DCN: variants seen among roughly 807,000 people sequenced by gnomAD.
The protein encoded by DCN is bone proteoglycan II.
DCN carries 17 observed loss-of-function variants against 36.5 expected under a neutral mutation model. The ratio of observed to expected loss-of-function variants is 0.47; its 90% CI spans 0.32 to 0.70. The LOEUF (loss-of-function observed/expected upper bound fraction) is 0.70, where lower values mean the gene tolerates loss of function less well. Ranked by LOEUF, DCN falls within the 30% of genes least tolerant of loss-of-function variation. The pLI, the probability that DCN is intolerant of heterozygous loss-of-function variation, is 0.04. For synonymous variants in DCN, 163 were observed against 161.4 expected (o/e 1.01, Z -0.07); for missense variants, 389 against 430.1 (o/e 0.90, Z 0.84).
At chr12:91,171,796 T>G (rs1243778149) in intron 2 of DCN, among the ~76,000 whole-genome samples, 1 of 152,202 alleles carries the variant, frequency 6.6e-6, no homozygotes, top group Non-Finnish European at 1.5e-5. Flanking sequence ...TGACCCCAAG[T>G]GAGAACAGCC....
Position 91,153,253 on chromosome 12 carries a change from A to G in DCN, c.653-64T>C, listed in dbSNP as rs3138262. 15,146 of 917,764 alleles carry G rather than the reference A, an allele frequency of 0.017. 1,431 individuals carry two copies. The African/African-American group carries it at 0.21, about 13-fold the overall frequency. 56.9% of individuals were successfully genotyped at this position (917,764 alleles called of 1,614,324 possible). On this transcript the variant is annotated intron_variant, in intron 5 of 7. Coordinates refer to ENST00000052754, the MANE Select transcript of DCN (RefSeq NM_001920.5). ...ACATTATAAGTACAGAATGTGGACAAACTTAAAGAAGACATATGCCATCAA... is the reference window on the plus strand; with the variant it reads ...ACATTATAAGTACAGAATGTGGACAGACTTAAAGAAGACATATGCCATCAA...
chr12:91,166,476 A>C (rs1371151322), intron 2 of DCN, among the ~76,000 whole-genome samples: 1 of 152,184 alleles, frequency 6.6e-6, no homozygotes, highest in Non-Finnish European at 1.5e-5. Flanking sequence ...GGTGTTCTCC[A>C]ACCCAGAAAA....
Position 91,146,132 on chromosome 12 carries a change from A to G in DCN, c.1006T>C (p.Tyr336His). The change falls in exon 8 of 8, where the codon TAC (tyrosine) becomes CAC (histidine). Residue 336 changes from tyrosine (Y) to histidine (H), a missense_variant. Coordinates refer to ENST00000052754, the MANE Select transcript of DCN (RefSeq NM_001920.5). ...GVSLFSNPVQYWEIQPSTFRC... is the reference protein window; with the variant it reads ...GVSLFSNPVQHWEIQPSTFRC... ...AAGGTGGATGGCTGTATCTCCCAGT[A>G]CTGGACCGGGTTGCTGAAAAGACTC... The G allele has an allele frequency of 5.0e-6, 8 of 1,613,862 alleles. No individual in the cohort carries two copies. The highest frequency in any genetic ancestry group is 6.8e-6 in the Non-Finnish European group (8 of 1,179,882).
rs116158136 is a variant in DCN, at chr12:91,148,444, G to A, written c.886-2192C>T. Among the ~76,000 whole-genome samples, 453 of 152,116 alleles carry A rather than the reference G, an allele frequency of 3.0e-3. 2 individuals carry two copies. Among genetic ancestry groups the A allele is most frequent in the Middle Eastern group, 6.8e-3 (2 of 294 alleles). ...TAAAACATAACTTGAAAGCCTGGGC[G>A]TGGTGGCTTATGTCTGTAATCTCAG... On this transcript the variant is annotated intron_variant, in intron 7 of 7. Coordinates refer to ENST00000052754, the MANE Select transcript of DCN (RefSeq NM_001920.5).
At chr12:91,158,147 C>T in intron 4 of DCN, 149 bp downstream of exon 4, 1 of 623,144 alleles carries the variant, frequency 1.6e-6, no homozygotes, top group Non-Finnish European at 2.9e-6. Context: ...ATTCAAAATC[C>T]CAATTTCTCT....
chr12:91,158,168 C>A, intron 4 of DCN, 128 bp downstream of exon 4: 1 of 675,906 alleles, frequency 1.5e-6, no homozygotes, highest in Admixed American at 2.5e-5. Flanking sequence ...TGGCCCTGTT[C>A]TTATAAATCA....
intron 6 of DCN, 144 bp from the exon 7 acceptor site, chr12:91,151,936 C>G: frequency 1.2e-6 from 1 of 841,244 alleles, no homozygotes. Flanking sequence ...TTTCTCCAAC[C>G]TCTCTGAGCC....
intron 7 of DCN, chr12:91,150,735 T>C (rs1243270720): frequency 6.6e-6 from 1 of 152,190 alleles, no homozygotes; most frequent in African/African-American, 2.4e-5. Flanking sequence ...GCAATCCCAT[T>C]ACTGGGTATA....
At chr12:91,169,380 A>AAAAAG (rs2121278889) in intron 2 of DCN, among the ~76,000 whole-genome samples, 1 of 146,284 alleles carries the variant, frequency 6.8e-6, no homozygotes, top group Admixed American at 6.7e-5. Flanking sequence ...GATCCTGTCA[A>AAAAAG]AAAAAAAAAA....
At chr12:91,158,600 G>A (rs1881952964) in intron 3 of DCN, 91 bp from the exon 4 acceptor site, 2 of 767,314 alleles carry the variant, frequency 2.6e-6, no homozygotes, top group African/African-American at 3.5e-5. Flanking sequence ...CATTCATAGG[G>A]ATAGCAGAGA....
At position 91,171,018 on chromosome 12, in the gene DCN, AT is replaced by A. The variant is rs536652927; in HGVS notation, c.212-6302del. On this transcript the variant is annotated intron_variant, in intron 2 of 7. Coordinates refer to ENST00000052754, the MANE Select transcript of DCN (RefSeq NM_001920.5). Reference sequence around the variant, plus strand: ...AAATAATTCCTATTGATACTGATGAATTTTATGGTTATTCATAAAATGATAT... The same window carrying A: ...AAATAATTCCTATTGATACTGATGAATTTATGGTTATTCATAAAATGATAT... Among the ~76,000 whole-genome samples, 35 of 152,268 alleles carry A rather than the reference AT, an allele frequency of 2.3e-4. 1 individual carries two copies. The South Asian group carries it at 7.0e-3, about 31-fold the overall frequency.
In DCN at chr12:91,159,876, T is replaced by C. The variant is rs1012045000; in HGVS notation, c.325-1367A>G. Among the ~76,000 whole-genome samples the C allele has an allele frequency of 1.8e-4, 27 of 152,206 alleles. 1 individual carries two copies. Among genetic ancestry groups the C allele is most frequent in the African/African-American group, 6.0e-4 (25 of 41,544 alleles). On this transcript the variant is annotated intron_variant, in intron 3 of 7. Transcript: ENST00000052754. The stretch of plus-strand genomic sequence containing the variant: ...AGGTCTAATTTTGCATTTTCAATTA[T>C]AGTATATGTTTCGCATATATGAAAA...
chr12:91,170,814 G>T (rs1381435985), intron 2 of DCN, among the ~76,000 whole-genome samples: 1 of 152,098 alleles, frequency 6.6e-6, no homozygotes, highest in Non-Finnish European at 1.5e-5. Context: ...GAGGACCAGA[G>T]ATTATTTTTG....
At chr12:91,174,542 G>T (rs1883177269) in intron 2 of DCN, among the ~76,000 whole-genome samples, 1 of 152,032 alleles carries the variant, frequency 6.6e-6, no homozygotes, top group African/African-American at 2.4e-5. Flanking sequence ...AGCCAACTTT[G>T]CCTGAAATGG....
intron 5 of DCN, among the ~76,000 whole-genome samples, chr12:91,155,152 A>G (rs1275946876): frequency 6.6e-6 from 1 of 152,152 alleles, no homozygotes; most frequent in East Asian, 1.9e-4. Context: ...GAAATAGTTA[A>G]ACACACGAGT....
intron 3 of DCN, among the ~76,000 whole-genome samples, chr12:91,159,988 G>T (rs1882057584): frequency 6.6e-6 from 1 of 152,044 alleles, no homozygotes; most frequent in African/African-American, 2.4e-5. Context: ...GGTAATAGCT[G>T]ATTAATTAAT....
At chr12:91,181,721 C>A (rs1341337044) in intron 1 of DCN, among the ~76,000 whole-genome samples, 1 of 151,838 alleles carries the variant, frequency 6.6e-6, no homozygotes, top group Non-Finnish European at 1.5e-5. Flanking sequence ...AAAATTTAAC[C>A]CTCAAGAGAT....
chr12:91,168,001 T>C (rs1378272201), intron 2 of DCN, among the ~76,000 whole-genome samples: 4 of 152,060 alleles, frequency 2.6e-5, no homozygotes, highest in Admixed American at 6.6e-5. Context: ...CTGGCTAATT[T>C]TTTGTATTTT....
chr12:91,156,995 A>C (rs1327247070), intron 5 of DCN, 80 bp downstream of exon 5: 2 of 1,014,874 alleles, frequency 2.0e-6, no homozygotes, highest in African/African-American at 3.2e-5. Flanking sequence ...TGACAATTCC[A>C]GTTTCCACAA....
Sources: gnomAD v4.1 joint callset for allele counts (sites outside exome capture counted in the v4.1 genomes callset) on GRCh38, gnomAD v4.1.1 for gene constraint, MANE v1.5 for transcripts, NCBI Gene and HGNC (gene_info 2026-07-23, HGNC 2026-07-21) for gene names.